Variants in HS3ST4 observed in about 807,000 individuals in gnomAD.
The protein encoded by HS3ST4 is heparan sulfate-glucosamine 3-sulfotransferase 4, also known as heparan sulfate glucosamine 3-O-sulfotransferase 4.
A neutral mutation model predicts 29.2 loss-of-function variants in HS3ST4; 17 were observed. The ratio of observed to expected loss-of-function variants is 0.58; its 90% CI spans 0.40 to 0.87. The LOEUF is 0.87. Ranked by LOEUF, HS3ST4 falls within the 40% of genes least tolerant of loss-of-function variation. HS3ST4 has a pLI of 0.00. For missense variants in HS3ST4, 627 were observed against 634.5 expected (o/e 0.99, Z 0.13); for synonymous variants, 314 against 285.7 (o/e 1.10, Z -1.00).
chr16:26,073,319 G>A (rs932138544), intron 1 of HS3ST4, among the ~76,000 whole-genome samples: 10 of 152,030 alleles, frequency 6.6e-5, no homozygotes, highest in African/African-American at 9.7e-5. Context: ...TTCAGATTAG[G>A]CAAATTTGGA....
chr16:25,979,000 C>T (rs943560206), intron 1 of HS3ST4, among the ~76,000 whole-genome samples: 6 of 143,424 alleles, frequency 4.2e-5, no homozygotes, highest in African/African-American at 7.8e-5. Flanking sequence ...CGGGTTCAAG[C>T]GATTCTCCTG....
At chr16:25,928,352 G>A (rs1015189183) in intron 1 of HS3ST4, among the ~76,000 whole-genome samples, 26 of 150,190 alleles carry the variant, frequency 1.7e-4, no homozygotes, top group African/African-American at 5.5e-4. Context: ...GCAACAGAGC[G>A]AGACCCCATC....
At chr16:26,002,796 AAAG>A (rs1247720483) in intron 1 of HS3ST4, among the ~76,000 whole-genome samples, 1 of 151,912 alleles carries the variant, frequency 6.6e-6, no homozygotes. Flanking sequence ...AAAGAAAAAG[AAAG>A]AAGGAAAGAA....
intron 1 of HS3ST4, among the ~76,000 whole-genome samples, chr16:26,116,272 A>G (rs1048458864): frequency 2.0e-5 from 3 of 152,212 alleles, no homozygotes; most frequent in Non-Finnish European, 4.4e-5. Context: ...AGCCAGCAGA[A>G]AAAAGAGGGC....
chr16:25,873,480 C>CTCTATCTA lies in HS3ST4; in HGVS notation c.734+180365_734+180372dup, dbSNP rs1157206082. Among the ~76,000 whole-genome samples, 261 of 69,942 alleles carry CTCTATCTA rather than the reference C, an allele frequency of 3.7e-3. 1 individual carries two copies. Among genetic ancestry groups the CTCTATCTA allele is most frequent in the African/African-American group, 0.01 (200 of 19,670 alleles). The allele number at this position is 69,942 out of a possible 152,430, so 45.9% of individuals were successfully genotyped here. ...CATTTACCCACCCATCCATCTATCT[C>CTCTATCTA]TCTATCTATCTATCTATCTATCTAT... is the stretch of plus-strand genomic sequence containing the variant. On this transcript the variant is annotated intron_variant, in intron 1 of 1. Transcript: ENST00000331351.
intron 1 of HS3ST4, among the ~76,000 whole-genome samples, chr16:25,912,295 C>A (rs1461464339): frequency 6.6e-6 from 1 of 152,168 alleles, no homozygotes; most frequent in African/African-American, 2.4e-5. Context: ...GTTATGCTCT[C>A]GCTACCATCT....
chr16:26,090,936 G>C (rs1176746688), intron 1 of HS3ST4, among the ~76,000 whole-genome samples: 1 of 152,168 alleles, frequency 6.6e-6, no homozygotes, highest in Admixed American at 6.5e-5. Context: ...CAGTTAACAA[G>C]GCTAGGTTAT....
intron 1 of HS3ST4, among the ~76,000 whole-genome samples, chr16:25,762,960 A>G (rs1278102206): frequency 6.6e-6 from 1 of 151,740 alleles, no homozygotes; most frequent in Non-Finnish European, 1.5e-5. Context: ...GCACAGACCC[A>G]AATCTGCTCA....
intron 1 of HS3ST4, among the ~76,000 whole-genome samples, chr16:25,958,136 C>T (rs1200295586): frequency 4.6e-5 from 7 of 151,992 alleles, no homozygotes; most frequent in African/African-American, 7.2e-5. Flanking sequence ...CCCTGGGACT[C>T]GCATTAGGAA....
intron 1 of HS3ST4, among the ~76,000 whole-genome samples, chr16:25,738,481 T>C (rs1473879097): frequency 6.6e-6 from 1 of 152,130 alleles, no homozygotes; most frequent in African/African-American, 2.4e-5. Context: ...TTTTGGGAAG[T>C]GGGCAGGGAC....
At chr16:25,846,584 C>T (rs1596589282) in intron 1 of HS3ST4, among the ~76,000 whole-genome samples, 2 of 150,986 alleles carry the variant, frequency 1.3e-5, no homozygotes, top group South Asian at 4.2e-4. Flanking sequence ...CCATCAATAT[C>T]TTAAGTTTGT....
At chr16:26,128,669 G>A (rs78512585) in intron 1 of HS3ST4, among the ~76,000 whole-genome samples, 2,028 of 152,330 alleles carry the variant, frequency 0.013, 41 homozygotes, top group African/African-American at 0.046. Context: ...GCAGGGCAAG[G>A]TCTTGGCTAT....
At position 25,723,458 on chromosome 16, in the gene HS3ST4, C is replaced by T. The variant is rs1304323738; in HGVS notation, c.734+30307C>T. Among the ~76,000 whole-genome samples the T allele has an allele frequency of 2.0e-5, 3 of 152,166 alleles. No homozygotes were observed. In the East Asian group the frequency reaches 5.8e-4, roughly 29 times the overall value. ...TTGGATGGTTATTTATAACTGTCTG[C>T]TAACTCTAGTACTGTTCAGGGTTCT... On this transcript the variant is annotated intron_variant, in intron 1 of 1. Coordinates refer to ENST00000331351, the MANE Select transcript of HS3ST4 (RefSeq NM_006040.3).
In HS3ST4 at chr16:25,861,906, A is replaced by G. The variant is rs115174271; in HGVS notation, c.734+168755A>G. Among the ~76,000 whole-genome samples the G allele has an allele frequency of 5.6e-3, 847 of 152,220 alleles. 11 individuals carry two copies. The highest frequency in any genetic ancestry group is 0.02 in the African/African-American group (820 of 41,526). On this transcript the variant is annotated intron_variant, in intron 1 of 1. Coordinates refer to ENST00000331351, the MANE Select transcript of HS3ST4 (RefSeq NM_006040.3). Reference sequence around the variant, plus strand: ...CAACGTTGTGTTTGTAAGCATCACTAATTTTTGGGCATAGCTATAGTTTGT... The same window carrying G: ...CAACGTTGTGTTTGTAAGCATCACTGATTTTTGGGCATAGCTATAGTTTGT...
chr16:25,961,322 A>G (rs760660398), intron 1 of HS3ST4, among the ~76,000 whole-genome samples: 29 of 152,230 alleles, frequency 1.9e-4, no homozygotes, highest in Non-Finnish European at 3.1e-4. Context: ...CAGGCTAACC[A>G]TGATATGAAA....
chr16:25,782,640 TAGTTAAAGTCAGATGCACCTTAC>T (rs1966853720), intron 1 of HS3ST4, among the ~76,000 whole-genome samples: 1 of 152,202 alleles, frequency 6.6e-6, no homozygotes, highest in East Asian at 1.9e-4. Flanking sequence ...AGTTCTAGAT[TAGTTAAAGTCAGATGCACCTTAC>T]AGCTGCTTGG....
chr16:25,956,801 A>G (rs764931423), intron 1 of HS3ST4, among the ~76,000 whole-genome samples: 1 of 152,078 alleles, frequency 6.6e-6, no homozygotes, highest in African/African-American at 2.4e-5. Flanking sequence ...GATCAAGACC[A>G]TCCTGGCTAA....
chr16:25,884,167 G>A (rs889145549), intron 1 of HS3ST4, among the ~76,000 whole-genome samples: 2 of 152,044 alleles, frequency 1.3e-5, no homozygotes, highest in African/African-American at 4.8e-5. Context: ...TCTAAATCAC[G>A]GAAAAAGAAG....
chr16:25,904,798 T>C (rs1455204505), intron 1 of HS3ST4, among the ~76,000 whole-genome samples: 1 of 152,188 alleles, frequency 6.6e-6, no homozygotes, highest in Non-Finnish European at 1.5e-5. Context: ...GCGGGGCTCA[T>C]GTATAAAAAA....
Sources: allele counts gnomAD v4.1 joint callset (sites outside exome capture counted in the v4.1 genomes callset), GRCh38; gene constraint gnomAD v4.1.1; transcripts MANE v1.5; gene names NCBI Gene and HGNC (gene_info 2026-07-23, HGNC 2026-07-21).